Variants in NEDD8 observed in about 807,000 individuals in gnomAD.
The protein encoded by NEDD8 is NEDD8 ubiquitin like modifier.
A neutral mutation model predicts 13.8 loss-of-function variants in NEDD8; 1 was observed. The observed-to-expected ratio is 0.07, with a 90% CI of 0.03 to 0.34. The LOEUF (loss-of-function observed/expected upper bound fraction) is 0.34. NEDD8 is among the 10% of genes least tolerant of loss of function. The probability of loss-of-function intolerance (pLI) is 0.99; values close to 1 mark genes in which losing one functional copy is unlikely to be tolerated. For synonymous variants in NEDD8, 31 were observed against 33.2 expected (o/e 0.93, Z 0.23); for missense variants, 10 against 95.2 (o/e 0.10, Z 3.73).
chr14:24,219,475 C>CAAAAAAAAAAAAAAAAA (rs59964484), intron 1 of NEDD8, among the ~76,000 whole-genome samples: 6 of 33,366 alleles, frequency 1.8e-4, no homozygotes, highest in Non-Finnish European at 2.7e-4. Context: ...AACACCCTCG[C>CAAAAAAAAAAAAAAAAA]AAAAAAAAAA....
At chr14:24,231,158 T>C (rs1385430436) in intron 1 of NEDD8, among the ~76,000 whole-genome samples, 3 of 152,208 alleles carry the variant, frequency 2.0e-5, no homozygotes, top group Non-Finnish European at 4.4e-5. Flanking sequence ...TCCAAAGTGC[T>C]GGGATTACAG....
chr14:24,232,213 T>C, intron 1 of NEDD8, 37 bp downstream of exon 1: 2 of 1,614,020 alleles, frequency 1.2e-6, no homozygotes, highest in African/African-American at 1.3e-5. Flanking sequence ...GCCAGCCCAG[T>C]ACTACTGCGT....
At chr14:24,218,015 CAAAG>C in intron 3 of NEDD8, 114 bp downstream of exon 3, 1 of 1,323,960 alleles carries the variant, frequency 7.6e-7, no homozygotes, top group Non-Finnish European at 1.1e-6. Flanking sequence ...ACCAGATTGC[CAAAG>C]AGTCTTAGGC....
intron 1 of NEDD8, among the ~76,000 whole-genome samples, chr14:24,225,831 G>A (rs1008243425): frequency 6.6e-6 from 1 of 152,174 alleles, no homozygotes; most frequent in Admixed American, 6.5e-5. Flanking sequence ...CTGAGGTCAG[G>A]AGTTCGAGGC....
intron 1 of NEDD8, among the ~76,000 whole-genome samples, chr14:24,230,941 G>T (rs2039993847): frequency 6.7e-6 from 1 of 148,648 alleles, no homozygotes; most frequent in Non-Finnish European, 1.5e-5. Flanking sequence ...AGGGTCTGGA[G>T]TGCAGTGGTG....
chr14:24,218,035 A>G, intron 3 of NEDD8, 98 bp downstream of exon 3: 1 of 1,525,104 alleles, frequency 6.6e-7, no homozygotes, highest in Non-Finnish European at 9.0e-7. Flanking sequence ...TAGGCACCAA[A>G]AACAAGAGGC....
At position 24,217,126 on chromosome 14, in the gene NEDD8, A is replaced by G. The variant is rs377316506; in HGVS notation, c.*1T>C. ...GGTAAAGAGGTAAAATGGAGGGTCC[A>G]TCACTGCCTAAGACCACCTCCTCCT... On this transcript the variant is annotated 3_prime_UTR_variant, in exon 4 of 4. Coordinates refer to ENST00000250495, the MANE Select transcript of NEDD8 (RefSeq NM_006156.3). The G allele has an allele frequency of 1.9e-6, 3 of 1,610,808 alleles. No homozygotes were observed. The highest frequency in any genetic ancestry group is 1.6e-4 in the Middle Eastern group (1 of 6,072).
intron 1 of NEDD8, among the ~76,000 whole-genome samples, chr14:24,219,627 T>C (rs900110982): frequency 6.6e-6 from 1 of 152,124 alleles, no homozygotes; most frequent in Admixed American, 6.5e-5. Flanking sequence ...GGGCTGGTGA[T>C]ATCCAAATAC....
intron 1 of NEDD8, chr14:24,231,959 G>A (rs1032872994): frequency 6.0e-5 from 25 of 419,176 alleles, no homozygotes; most frequent in African/African-American, 4.7e-4. Flanking sequence ...TGACTGCGGG[G>A]GTTCGAATAC....
Position 24,230,730 on chromosome 14 carries a change from T to G in NEDD8, c.18+1520A>C, listed in dbSNP as rs561166291. Reference sequence around the variant, plus strand: ...GCCTCCCAGGTTCAAGGGATTCTCCTGCCTTAGCCTCCGAGTAGCTGGGAT... The same window carrying G: ...GCCTCCCAGGTTCAAGGGATTCTCCGGCCTTAGCCTCCGAGTAGCTGGGAT... On this transcript the variant is annotated intron_variant, in intron 1 of 3. Coordinates refer to ENST00000250495, the MANE Select transcript of NEDD8 (RefSeq NM_006156.3). 4.2e-4 allele frequency among the ~76,000 whole-genome samples: 63 copies of G among 151,124 alleles called. No individual in the cohort carries two copies. The East Asian group carries it at 1.0e-2, about 24-fold the overall frequency.
At chr14:24,231,922 A>C (rs2138923077) in intron 1 of NEDD8, 1 of 331,406 alleles carries the variant, frequency 3.0e-6, no homozygotes. Flanking sequence ...GAGACGGGGG[A>C]GTCAAGCCGC....
At chr14:24,229,992 C>A (rs890612040) in intron 1 of NEDD8, among the ~76,000 whole-genome samples, 11 of 151,790 alleles carry the variant, frequency 7.2e-5, no homozygotes, top group Non-Finnish European at 1.2e-4. Context: ...ATCGCTTGAA[C>A]CCGGGAGGCG....
chr14:24,230,218 CAAAAAAAAA>C (rs560583502), intron 1 of NEDD8, among the ~76,000 whole-genome samples: 33,938 of 73,102 alleles, frequency 0.46, 6,195 homozygotes, highest in Middle Eastern at 0.72. Flanking sequence ...GACTCTGTCT[CAAAAAAAAA>C]AAAAAAAAAA....
At chr14:24,229,905 T>G (rs1200451746) in intron 1 of NEDD8, among the ~76,000 whole-genome samples, 1 of 151,840 alleles carries the variant, frequency 6.6e-6, no homozygotes, top group African/African-American at 2.4e-5. Flanking sequence ...ACCCCGTTTC[T>G]ACTAAAAATA....
intron 1 of NEDD8, among the ~76,000 whole-genome samples, chr14:24,230,793 T>C (rs1469239456): frequency 6.6e-6 from 1 of 151,986 alleles, no homozygotes; most frequent in African/African-American, 2.4e-5. Context: ...AGTTTTTGTA[T>C]TGTTAGTAGA....
rs1464224046 is a variant in NEDD8, at chr14:24,231,938, G to A, written c.18+312C>T. ...AGACGGGGGAGTCAAGCCGCTGCTA[G>A]GCCTTCTCTATGACTGCGGGGGTTC... On this transcript the variant is annotated intron_variant, in intron 1 of 3. Coordinates refer to ENST00000250495, the MANE Select transcript of NEDD8 (RefSeq NM_006156.3). The A allele has an allele frequency of 3.0e-5, 11 of 364,110 alleles. No homozygotes were observed. The Middle Eastern group carries it at 2.2e-3, about 74-fold the overall frequency. 22.6% of individuals were successfully genotyped at this position (364,110 alleles called of 1,614,324 possible). A position where few individuals can be genotyped will look rare whatever the true frequency, so the allele number is the denominator to read the frequency against.
At chr14:24,223,815 A>G (rs1317896751) in intron 1 of NEDD8, among the ~76,000 whole-genome samples, 1 of 151,784 alleles carries the variant, frequency 6.6e-6, no homozygotes, top group Non-Finnish European at 1.5e-5. Context: ...GCTCACCACA[A>G]CCTCCGCCTC....
intron 1 of NEDD8, among the ~76,000 whole-genome samples, chr14:24,224,964 G>C (rs2039865644): frequency 6.6e-6 from 1 of 152,130 alleles, no homozygotes; most frequent in African/African-American, 2.4e-5. Flanking sequence ...TTTGAGACCA[G>C]CCTGGCCAAC....
At chr14:24,221,884 C>G (rs1180173849) in intron 1 of NEDD8, among the ~76,000 whole-genome samples, 1 of 152,166 alleles carries the variant, frequency 6.6e-6, no homozygotes, top group Non-Finnish European at 1.5e-5. Context: ...ATGTGGGCCA[C>G]CGCACCCGAC....
Sources: gnomAD v4.1 joint callset for allele counts (sites outside exome capture counted in the v4.1 genomes callset) on GRCh38, gnomAD v4.1.1 for gene constraint, MANE v1.5 for transcripts, NCBI Gene and HGNC (gene_info 2026-07-23, HGNC 2026-07-21) for gene names.